Variants in LOXHD1 observed in about 807,000 individuals in gnomAD.
LOXHD1 encodes lipoxygenase homology PLAT domains 1.
A neutral mutation model predicts 248.2 loss-of-function variants in LOXHD1; 205 were observed. That is an observed-to-expected ratio of 0.83 (90% CI 0.74 to 0.93). LOXHD1 has a LOEUF of 0.93. Among genes scored for constraint, LOXHD1 ranks in the 40% least tolerant of loss-of-function variants. The pLI is 0.00. For missense variants in LOXHD1, 2,930 were observed against 2,971.6 expected, an observed-to-expected ratio of 0.99 and a Z score of 0.33; for synonymous variants, 1,113 against 1,162.8, an observed-to-expected ratio of 0.96 and a Z score of 0.87.
chr18:46,506,408 T>C (rs533955164), intron 36 of LOXHD1, among the ~76,000 whole-genome samples: 1 of 152,344 alleles, frequency 6.6e-6, no homozygotes, highest in South Asian at 2.1e-4. Flanking sequence ...GCAGGGAAGT[T>C]CTGTGTTCCC....
At chr18:46,578,138 A>G (rs1357165447) in intron 13 of LOXHD1, among the ~76,000 whole-genome samples, 2 of 152,202 alleles carry the variant, frequency 1.3e-5, no homozygotes, top group Non-Finnish European at 2.9e-5. Context: ...GTTGTCAGTC[A>G]CCAATCATTT....
chr18:46,621,362 T>C (rs1266623969), intron 4 of LOXHD1, among the ~76,000 whole-genome samples: 7 of 152,182 alleles, frequency 4.6e-5, no homozygotes, highest in Non-Finnish European at 1.5e-5. Context: ...TCATATTCCC[T>C]CTTCAAGCAG....
intron 40 of LOXHD1, 69 bp from the exon 41 acceptor site, chr18:46,478,021 C>A: frequency 6.7e-7 from 1 of 1,490,290 alleles, no homozygotes; most frequent in Non-Finnish European, 9.0e-7. Context: ...CTCCCTCCCC[C>A]AGATCCCCTT....
chr18:46,577,524 G>A (rs1375247172), intron 14 of LOXHD1, among the ~76,000 whole-genome samples, 183 bp downstream of exon 14: 1 of 151,982 alleles, frequency 6.6e-6, no homozygotes, highest in African/African-American at 2.4e-5. Context: ...CGGTGGTAGG[G>A]GGTGAGAAGG....
In LOXHD1 at chr18:46,542,596, G is replaced by A. The variant is rs996270069; in HGVS notation, c.3748+131C>T. On this transcript the variant is annotated intron_variant, in intron 24 of 40. Transcript: ENST00000642948. ...CTCTCTCGGCTCTACTGGGCTAAAG[G>A]GATTAAGGAAGCTGTGTCATTACAG... is the stretch of plus-strand genomic sequence containing the variant. 113 of 1,138,070 alleles carry A rather than the reference G, an allele frequency of 9.9e-5. No homozygotes were observed. In the Middle Eastern group the frequency reaches 1.5e-3, roughly 15 times the overall value. 70.5% of individuals were successfully genotyped at this position (1,138,070 alleles called of 1,614,324 possible).
chr18:46,518,136 T>C lies in LOXHD1; in HGVS notation c.5392A>G (p.Lys1798Glu). 1 of 1,551,620 alleles carries C rather than the reference T, an allele frequency of 6.4e-7. No individual in the cohort carries two copies. The highest frequency in any genetic ancestry group is 8.7e-7 in the Non-Finnish European group (1 of 1,146,974). ...STEEMQLDKK[K>E]ARFEREQNDT... is the part of the protein sequence containing the mutation. ...GGGGCCGCCTCCAGGTACCTGGCTTTCTTTTTGTCCAGCTGCATCTCCTCT... is the reference window on the plus strand; with the variant it reads ...GGGGCCGCCTCCAGGTACCTGGCTTCCTTTTTGTCCAGCTGCATCTCCTCT... The change falls in exon 34 of 41, where the codon AAA (lysine) becomes GAA (glutamate). Residue 1798 changes from lysine to glutamate, a missense_variant. By Grantham distance (56) the Lys-to-Glu change is moderately conservative. Transcript: ENST00000642948.
chr18:46,504,220 C>T (rs2034419863), intron 37 of LOXHD1, among the ~76,000 whole-genome samples: 1 of 152,102 alleles, frequency 6.6e-6, no homozygotes, highest in Non-Finnish European at 1.5e-5. Context: ...ATCCTCTCAT[C>T]TCAGCCTCCT....
chr18:46,619,122 A>T (rs2144330261), intron 4 of LOXHD1, among the ~76,000 whole-genome samples: 1 of 152,334 alleles, frequency 6.6e-6, no homozygotes, highest in Non-Finnish European at 1.5e-5. Flanking sequence ...GGAATCCTCC[A>T]GCTTTTCACT....
At chr18:46,637,962 G>A (rs1008488659) in intron 4 of LOXHD1, among the ~76,000 whole-genome samples, 2 of 152,108 alleles carry the variant, frequency 1.3e-5, no homozygotes, top group Admixed American at 6.5e-5. Context: ...ATTTATAATA[G>A]CATTGTTATA....
chr18:46,571,668 G>A (rs1051089561), intron 15 of LOXHD1, among the ~76,000 whole-genome samples: 2 of 152,104 alleles, frequency 1.3e-5, no homozygotes, highest in Admixed American at 6.5e-5. Flanking sequence ...TTTGTCTAAA[G>A]CTCATGATCA....
rs60852510 is a variant in LOXHD1 at position 46,505,778 on chromosome 18, T to C, written c.5878+60A>G. 112,288 of 1,527,778 alleles carry C rather than the reference T, an allele frequency of 0.073. 4,505 individuals carry two copies. Among genetic ancestry groups the C allele is most frequent in the Non-Finnish European group, 0.081 (91,337 of 1,126,502 alleles). The allele number at this position is 1,527,778 out of a possible 1,614,324, so 94.6% of individuals were successfully genotyped here. On this transcript the variant is annotated intron_variant, in intron 37 of 40. Transcript: ENST00000642948. ...CAATGTGCTGCCAGGGAGGGAATAATGGCTCAGGAAGGGAGCTGAGGGCTG... is the reference window on the plus strand; with the variant it reads ...CAATGTGCTGCCAGGGAGGGAATAACGGCTCAGGAAGGGAGCTGAGGGCTG...
intron 12 of LOXHD1, among the ~76,000 whole-genome samples, chr18:46,590,942 A>T (rs959822856): frequency 6.6e-6 from 1 of 152,246 alleles, no homozygotes; most frequent in Non-Finnish European, 1.5e-5. Context: ...AATTACAAGC[A>T]TTGCCTAATT....
At position 46,579,784 on chromosome 18, in the gene LOXHD1, A is replaced by G. The variant is rs930428849; in HGVS notation, c.1655T>C (p.Met552Thr). Reference sequence around the variant, plus strand: ...GCACACAGTCACATGGTACCGGGCCACTGGCAGGCAGAGAGAGGGACATCA... The same window carrying G: ...GCACACAGTCACATGGTACCGGGCCGCTGGCAGGCAGAGAGAGGGACATCA... Reference protein sequence around the residue: ...EGPTVRRIMGMARYHVTVCTG... With the variant: ...EGPTVRRIMGTARYHVTVCTG... Residue 552 changes from methionine to threonine, a missense_variant and splice_region_variant, in exon 13 of 41, where the codon ATG becomes ACG. By Grantham distance (81) the Met-to-Thr change is moderately conservative (BLOSUM62 -1). Coordinates refer to ENST00000642948, the MANE Select transcript of LOXHD1 (RefSeq NM_001384474.1). The G allele has an allele frequency of 1.9e-6, 3 of 1,550,756 alleles. No individual in the cohort carries two copies. In the African/African-American group the frequency reaches 4.1e-5, roughly 21 times the overall value.
chr18:46,549,037 C>T (rs17768374), intron 21 of LOXHD1, among the ~76,000 whole-genome samples: 25,432 of 152,106 alleles, frequency 0.17, 2,223 homozygotes, highest in Middle Eastern at 0.22. Context: ...AGCTTCTATC[C>T]CCACAGTGCC....
intron 12 of LOXHD1, among the ~76,000 whole-genome samples, chr18:46,590,375 G>C (rs2038143383): frequency 6.6e-6 from 1 of 152,162 alleles, no homozygotes; most frequent in South Asian, 2.1e-4. Flanking sequence ...AAAGGCTCAA[G>C]AGTGACCGTC....
In LOXHD1 at chr18:46,569,468, T is replaced by C. The variant is rs1190715759; in HGVS notation, c.2218A>G (p.Thr740Ala). 6.4e-7 allele frequency: 1 copy of C among 1,552,114 alleles called. No homozygotes were observed. The highest frequency in any genetic ancestry group is 8.7e-7 in the Non-Finnish European group (1 of 1,147,084). The change falls in exon 16 of 41, where the codon ACC (threonine) becomes GCC (alanine). Residue 740 changes from threonine (T) to alanine (A), a missense_variant. Thr to Ala is a moderately conservative substitution (Grantham distance 58). Transcript: ENST00000642948. Reference sequence around the variant, plus strand: ...TTTCCAATGTTCAGGGTCTCGAGGGTGAACTCATCCACCCGGCCACGTTCA... The same window carrying C: ...TTTCCAATGTTCAGGGTCTCGAGGGCGAACTCATCCACCCGGCCACGTTCA... ...YFERGRVDEF[T>A]LETLNIGNIN...
chr18:46,538,401 G>A, intron 25 of LOXHD1, 64 bp from the exon 26 acceptor site: 1 of 1,471,482 alleles, frequency 6.8e-7, no homozygotes, highest in Non-Finnish European at 9.3e-7. Flanking sequence ...AACATGGTGA[G>A]AGCCAGTTCT....
At chr18:46,599,225 T>C (rs2038301089) in intron 8 of LOXHD1, among the ~76,000 whole-genome samples, 1 of 152,144 alleles carries the variant, frequency 6.6e-6, no homozygotes. Context: ...TCCAAAACTT[T>C]CTTAATGATA....
intron 1 of LOXHD1, among the ~76,000 whole-genome samples, chr18:46,651,215 GT>G (rs1290913308): frequency 6.6e-6 from 1 of 152,166 alleles, no homozygotes; most frequent in Admixed American, 6.5e-5. Flanking sequence ...GTGTTTTGGG[GT>G]GAGTGGACCT....
Sources: allele counts gnomAD v4.1 joint callset (sites outside exome capture counted in the v4.1 genomes callset), GRCh38; gene constraint gnomAD v4.1.1; transcripts MANE v1.5; gene names NCBI Gene and HGNC (gene_info 2026-07-23, HGNC 2026-07-21).